The following CBX1 variants were observed in gnomAD, a reference collection of about 807,000 sequenced individuals.
CBX1 encodes chromobox protein homolog 1.
A neutral mutation model predicts 25.1 loss-of-function variants in CBX1; 10 were observed. The ratio of observed to expected loss-of-function variants is 0.40; its 90% CI spans 0.25 to 0.68. The LOEUF is 0.68. CBX1 is among the 30% of genes least tolerant of loss of function. The pLI, the probability that CBX1 is intolerant of heterozygous loss-of-function variation, is 0.40. For missense variants in CBX1, 106 were observed against 218.5 expected, an observed-to-expected ratio of 0.49 and a Z score of 3.25; for synonymous variants, 63 against 79.4, an observed-to-expected ratio of 0.79 and a Z score of 1.10.
chr17:48,093,094 A>T (rs2063353453), intron 1 of CBX1, among the ~76,000 whole-genome samples: 1 of 141,896 alleles, frequency 7.0e-6, no homozygotes, highest in Admixed American at 7.2e-5. Flanking sequence ...AAAAAAGAAA[A>T]GAAAAGAAAA....
intron 1 of CBX1, among the ~76,000 whole-genome samples, chr17:48,094,479 T>C (rs1035682389): frequency 3.3e-5 from 5 of 149,946 alleles, no homozygotes; most frequent in Non-Finnish European, 7.4e-5. Flanking sequence ...ACACCTGTAA[T>C]CTCAGCACTT....
chr17:48,087,872 CAAAA>C (rs531431865), intron 1 of CBX1, among the ~76,000 whole-genome samples: 2 of 89,490 alleles, frequency 2.2e-5, no homozygotes, highest in African/African-American at 4.3e-5. Context: ...GACTCAGTCT[CAAAA>C]AAAAAAAAAA....
At chr17:48,071,654 A>G in intron 4 of CBX1, 75 bp from the exon 5 acceptor site, 2 of 1,285,830 alleles carry the variant, frequency 1.6e-6, no homozygotes, top group Non-Finnish European at 2.1e-6. Flanking sequence ...CCCAGGGGAC[A>G]GTGCTTTAAA....
At chr17:48,093,269 T>A (rs553976202) in intron 1 of CBX1, among the ~76,000 whole-genome samples, 1 of 146,802 alleles carries the variant, frequency 6.8e-6, no homozygotes, top group East Asian at 2.0e-4. Context: ...AGCGAGACTC[T>A]GTCTCAAAAA....
At chr17:48,078,438 T>C (rs12103663) in intron 1 of CBX1, among the ~76,000 whole-genome samples, 126,528 of 151,862 alleles carry the variant, frequency 0.83, 52,772 homozygotes, top group East Asian at 0.95. Flanking sequence ...ATGATCCGCC[T>C]GCCTCGGCCT....
chr17:48,076,697 C>A (rs938613361), intron 2 of CBX1, among the ~76,000 whole-genome samples, 168 bp downstream of exon 2: 1 of 152,164 alleles, frequency 6.6e-6, no homozygotes, highest in Non-Finnish European at 1.5e-5. Context: ...AAAAAGAAGT[C>A]ATTCTGCTTT....
chr17:48,081,736 C>G (rs1383461489), intron 1 of CBX1, among the ~76,000 whole-genome samples: 1 of 152,192 alleles, frequency 6.6e-6, no homozygotes, highest in Non-Finnish European at 1.5e-5. Context: ...GCCACTGAGC[C>G]TGGCCCTTTC....
intron 3 of CBX1, 110 bp from the exon 4 acceptor site, chr17:48,075,210 T>C: frequency 1.3e-6 from 1 of 767,408 alleles, no homozygotes. Flanking sequence ...TTTTTTTTTT[T>C]TTGAGACGGA....
At chr17:48,097,809 T>C (rs1449502107) in intron 1 of CBX1, among the ~76,000 whole-genome samples, 4 of 152,174 alleles carry the variant, frequency 2.6e-5, no homozygotes, top group Non-Finnish European at 5.9e-5. Context: ...ATTTTGTCCA[T>C]ATCTGAGTAA....
intron 1 of CBX1, among the ~76,000 whole-genome samples, chr17:48,082,867 CT>C (rs36125840): frequency 0.24 from 30,169 of 127,040 alleles, 3,567 homozygotes; most frequent in African/African-American, 0.32. Context: ...ACACAATTAT[CT>C]TTTTTTTTTT....
chr17:48,100,537 C>T (rs1185712962), intron 1 of CBX1: 10 of 162,752 alleles, frequency 6.1e-5, no homozygotes, highest in South Asian at 4.0e-4. Flanking sequence ...GCACATTATT[C>T]TTACAGCCTC....
Position 48,071,347 on chromosome 17 carries a change from A to C in CBX1, c.*88T>G. 1 of 1,346,978 alleles carries C rather than the reference A, an allele frequency of 7.4e-7. No individual in the cohort carries two copies. Among genetic ancestry groups the C allele is most frequent in the Non-Finnish European group, 1.0e-6 (1 of 987,840 alleles). 83.4% of individuals were successfully genotyped at this position (1,346,978 alleles called of 1,614,324 possible). A position where few individuals can be genotyped will look rare whatever the true frequency, so the allele number is the denominator to read the frequency against. ...TCTTCAAAGGACATCTTCTCAAGCC[A>C]CCTCTATGGTGTCAAGACAAGTAGA... On this transcript the variant is annotated 3_prime_UTR_variant, in exon 5 of 5. Transcript: ENST00000225603.
At chr17:48,087,796 G>A (rs927640528) in intron 1 of CBX1, among the ~76,000 whole-genome samples, 8 of 149,434 alleles carry the variant, frequency 5.4e-5, no homozygotes, top group African/African-American at 1.2e-4. Context: ...CACTTGAACC[G>A]GGGAATCAGA....
intron 1 of CBX1, among the ~76,000 whole-genome samples, chr17:48,096,656 T>G (rs2063376831): frequency 6.6e-6 from 1 of 152,042 alleles, no homozygotes; most frequent in Non-Finnish European, 1.5e-5. Flanking sequence ...GCACCTGTAT[T>G]CCTAGCTCCT....
chr17:48,091,306 T>C (rs2063342482), intron 1 of CBX1, among the ~76,000 whole-genome samples: 1 of 152,200 alleles, frequency 6.6e-6, no homozygotes, highest in Non-Finnish European at 1.5e-5. Context: ...TCTTTCCCCC[T>C]CTTTTAACCC....
chr17:48,077,614 G>A (rs1447343563), intron 1 of CBX1, among the ~76,000 whole-genome samples: 3 of 151,638 alleles, frequency 2.0e-5, no homozygotes, highest in Non-Finnish European at 4.4e-5. Context: ...CTTTATTCTT[G>A]TGTATCCATT....
intron 1 of CBX1, among the ~76,000 whole-genome samples, chr17:48,087,434 C>T (rs999883772): frequency 3.3e-5 from 5 of 151,606 alleles, no homozygotes; most frequent in Admixed American, 6.6e-5. Context: ...ATTAGCTGGG[C>T]GTGGTGGTGT....
At chr17:48,073,605 T>G (rs1193548909) in intron 4 of CBX1, among the ~76,000 whole-genome samples, 2 of 152,022 alleles carry the variant, frequency 1.3e-5, no homozygotes, top group African/African-American at 4.8e-5. Flanking sequence ...GGTGGGTGGA[T>G]CACCTGAGGT....
intron 4 of CBX1, among the ~76,000 whole-genome samples, chr17:48,074,703 A>G (rs988847083): frequency 1.3e-5 from 2 of 152,116 alleles, no homozygotes; most frequent in Non-Finnish European, 2.9e-5. Context: ...GTCCAATCAC[A>G]TTTCATTTTC....
Sources: gnomAD v4.1 joint callset for allele counts (sites outside exome capture counted in the v4.1 genomes callset) on GRCh38, gnomAD v4.1.1 for gene constraint, MANE v1.5 for transcripts, NCBI Gene and HGNC (gene_info 2026-07-23, HGNC 2026-07-21) for gene names.